The following BTRC variants were observed in gnomAD, a reference collection of about 807,000 sequenced individuals.
BTRC encodes the protein F-box/WD repeat-containing protein 1A.
In BTRC, 42 loss-of-function variants were observed where a neutral mutation model predicts 85.5. The observed-to-expected ratio is 0.49, with a 90% CI of 0.38 to 0.64. The LOEUF (loss-of-function observed/expected upper bound fraction) is 0.64. Ranked by LOEUF, BTRC falls within the 30% of genes least tolerant of loss-of-function variation. BTRC has a pLI of 0.00. For synonymous variants in BTRC, 255 were observed against 263.3 expected (o/e 0.97, Z 0.30); for missense variants, 594 against 743.5 (o/e 0.80, Z 2.34).
intron 3 of BTRC, among the ~76,000 whole-genome samples, chr10:101,475,302 G>T (rs1244915075): frequency 6.6e-6 from 1 of 152,240 alleles, no homozygotes; most frequent in Non-Finnish European, 1.5e-5. Context: ...CACTTTGGGA[G>T]GCCAAGGCAG....
At chr10:101,459,777 C>G (rs1310237444) in intron 2 of BTRC, among the ~76,000 whole-genome samples, 1 of 152,004 alleles carries the variant, frequency 6.6e-6, no homozygotes, top group Non-Finnish European at 1.5e-5. Context: ...AGTGGTTATC[C>G]ATCTAAATCT....
In BTRC at chr10:101,435,518, G is replaced by A. The variant is rs901966397; in HGVS notation, c.156+5066G>A. On this transcript the variant is annotated intron_variant, in intron 2 of 14. Coordinates refer to ENST00000370187, the MANE Select transcript of BTRC (RefSeq NM_033637.4). ...TGTTTTTAAGATTTATCCATGTTAC[G>A]TATATCAGTAGTTCTCTTTTATTGT... Among the ~76,000 whole-genome samples, 45 of 151,990 alleles carry A rather than the reference G, an allele frequency of 3.0e-4. 1 individual carries two copies. The highest frequency in any genetic ancestry group is 2.8e-3 in the Admixed American group (43 of 15,252).
chr10:101,433,008 C>G (rs1296688226), intron 2 of BTRC, among the ~76,000 whole-genome samples: 1 of 152,060 alleles, frequency 6.6e-6, no homozygotes, highest in Non-Finnish European at 1.5e-5. Flanking sequence ...TTTAGTGCCC[C>G]CAACATGAAT....
At chr10:101,462,551 T>C (rs1945255708) in intron 3 of BTRC, among the ~76,000 whole-genome samples, 1 of 151,716 alleles carries the variant, frequency 6.6e-6, no homozygotes, top group Non-Finnish European at 1.5e-5. Flanking sequence ...TGCTGGCGCA[T>C]GCCTGTAATC....
At chr10:101,366,478 GAAAA>G (rs1002052040) in intron 1 of BTRC, among the ~76,000 whole-genome samples, 2 of 151,304 alleles carry the variant, frequency 1.3e-5, no homozygotes, top group Non-Finnish European at 2.9e-5. Flanking sequence ...GAGGCGACAG[GAAAA>G]AAAAGTAAAT....
chr10:101,405,770 A>G (rs1943604841), intron 1 of BTRC, among the ~76,000 whole-genome samples: 1 of 152,188 alleles, frequency 6.6e-6, no homozygotes, highest in South Asian at 2.1e-4. Context: ...AACCCCTTCT[A>G]GTTAATTATC....
intron 1 of BTRC, among the ~76,000 whole-genome samples, chr10:101,422,724 G>T (rs911455706): frequency 1.3e-5 from 2 of 152,092 alleles, no homozygotes; most frequent in Non-Finnish European, 2.9e-5. Flanking sequence ...ATTAAATAGG[G>T]AATCCTTTCC....
intron 4 of BTRC, among the ~76,000 whole-genome samples, chr10:101,517,160 T>C (rs1463718362): frequency 6.6e-6 from 1 of 152,224 alleles, no homozygotes; most frequent in Non-Finnish European, 1.5e-5. Context: ...TTTTAGTCTG[T>C]ATCATAGGCA....
intron 1 of BTRC, among the ~76,000 whole-genome samples, chr10:101,409,386 T>C (rs1943715453): frequency 6.6e-6 from 1 of 152,242 alleles, no homozygotes; most frequent in African/African-American, 2.4e-5. Flanking sequence ...AGTCATGTTA[T>C]AGCATTTATT....
chr10:101,542,734 G>GC (rs1380095774), intron 13 of BTRC, among the ~76,000 whole-genome samples: 2 of 152,122 alleles, frequency 1.3e-5, no homozygotes, highest in Non-Finnish European at 2.9e-5. Context: ...ACCACGTCCA[G>GC]CTAATTTTTT....
At chr10:101,508,174 C>G (rs1043238711) in intron 4 of BTRC, among the ~76,000 whole-genome samples, 1 of 152,004 alleles carries the variant, frequency 6.6e-6, no homozygotes, top group South Asian at 2.1e-4. Context: ...TATGACTTTT[C>G]CTATAGTTAG....
At position 101,556,374 on chromosome 10, in the gene BTRC, G is replaced by A. The variant is rs904710405; in HGVS notation, c.*3251G>A. Reference sequence around the variant, plus strand: ...AAGGTGGGAGGGGTGGGGAATACTGGAAATAATCAGGGCAATTTTTTTCTT... The same window carrying A: ...AAGGTGGGAGGGGTGGGGAATACTGAAAATAATCAGGGCAATTTTTTTCTT... On this transcript the variant is annotated 3_prime_UTR_variant, in exon 15 of 15. Coordinates refer to ENST00000370187, the MANE Select transcript of BTRC (RefSeq NM_033637.4). 1.3e-5 allele frequency: 2 copies of A among 152,174 alleles called. No individual in the cohort carries two copies. Among genetic ancestry groups the A allele is most frequent in the African/African-American group, 2.4e-5 (1 of 41,426 alleles). 9.4% of individuals were successfully genotyped at this position (152,174 alleles called of 1,614,324 possible). A position where few individuals can be genotyped will look rare whatever the true frequency, so the allele number is the denominator to read the frequency against.
intron 1 of BTRC, among the ~76,000 whole-genome samples, chr10:101,422,133 T>C (rs1589447323): frequency 6.6e-6 from 1 of 152,320 alleles, no homozygotes; most frequent in East Asian, 1.9e-4. Context: ...CCAGCACCTG[T>C]TGTTTCCTGA....
intron 1 of BTRC, among the ~76,000 whole-genome samples, chr10:101,380,241 A>C (rs908394880): frequency 6.6e-6 from 1 of 152,212 alleles, no homozygotes; most frequent in Non-Finnish European, 1.5e-5. Context: ...GATAATATCT[A>C]CTTTTGTACC....
At chr10:101,452,564 C>T (rs1475525087) in intron 2 of BTRC, among the ~76,000 whole-genome samples, 6 of 152,210 alleles carry the variant, frequency 3.9e-5, no homozygotes, top group South Asian at 2.1e-4. Flanking sequence ...TGATTAGTGT[C>T]GGACAGTGTG....
chr10:101,426,047 A>C (rs192983885), intron 1 of BTRC, among the ~76,000 whole-genome samples: 10 of 152,322 alleles, frequency 6.6e-5, no homozygotes, highest in Admixed American at 2.6e-4. Context: ...AAATGTATAG[A>C]CTTAATAAGG....
chr10:101,386,800 G>A (rs1943090582), intron 1 of BTRC, among the ~76,000 whole-genome samples: 1 of 152,070 alleles, frequency 6.6e-6, no homozygotes, highest in South Asian at 2.1e-4. Context: ...TGAATTGGTG[G>A]GGGGTGTTTT....
chr10:101,405,579 A>G (rs537840736), intron 1 of BTRC, among the ~76,000 whole-genome samples: 3 of 152,348 alleles, frequency 2.0e-5, no homozygotes, highest in South Asian at 4.1e-4. Flanking sequence ...CTGGAGGAAT[A>G]ATAAAAAGAT....
At chr10:101,538,444 A>G (rs2062419580) in intron 13 of BTRC, 73 bp downstream of exon 13, 2 of 1,364,306 alleles carry the variant, frequency 1.5e-6, no homozygotes, top group Admixed American at 1.7e-5. Context: ...GTGCTGTGGA[A>G]TATGGATTTG....
Sources: allele counts gnomAD v4.1 joint callset (sites outside exome capture counted in the v4.1 genomes callset), GRCh38; gene constraint gnomAD v4.1.1; transcripts MANE v1.5; gene names NCBI Gene and HGNC (gene_info 2026-07-23, HGNC 2026-07-21).